FBXL13: variants seen among roughly 807,000 people sequenced by gnomAD.
FBXL13 encodes F-box and leucine rich repeat protein 13, also known as F-box and leucine-rich repeat protein 13.
In FBXL13, 67 loss-of-function variants were observed where a neutral mutation model predicts 83.6. The observed-to-expected ratio is 0.80, with a 90% CI of 0.66 to 0.98. The LOEUF is 0.98. Among genes scored for constraint, FBXL13 ranks in the 50% least tolerant of loss-of-function variants. FBXL13 has a pLI of 0.00. For synonymous variants in FBXL13, 272 were observed against 299.5 expected (o/e 0.91, Z 0.95); for missense variants, 822 against 866.5 (o/e 0.95, Z 0.64).
chr7:103,037,354 T>A (rs1216599023), intron 2 of FBXL13, among the ~76,000 whole-genome samples: 1 of 152,188 alleles, frequency 6.6e-6, no homozygotes, highest in Non-Finnish European at 1.5e-5. Flanking sequence ...TGATTAAAAC[T>A]CCAGCCCCTA....
intron 1 of FBXL13, among the ~76,000 whole-genome samples, chr7:103,061,265 C>A (rs1181734030): frequency 6.6e-6 from 1 of 151,716 alleles, no homozygotes; most frequent in Non-Finnish European, 1.5e-5. Flanking sequence ...GAGCAGCAGG[C>A]TCTATGAGGT....
intron 16 of FBXL13, among the ~76,000 whole-genome samples, chr7:102,860,043 G>T (rs1350300002): frequency 1.3e-5 from 2 of 152,186 alleles, no homozygotes; most frequent in Admixed American, 6.5e-5. Flanking sequence ...TATAGCTCCA[G>T]TATCACGTTC....
intron 6 of FBXL13, among the ~76,000 whole-genome samples, chr7:103,022,765 C>A (rs563038568): frequency 6.6e-6 from 1 of 152,224 alleles, no homozygotes; most frequent in Non-Finnish European, 1.5e-5. Context: ...TAGAACTTGG[C>A]AAAAATTTCA....
intron 1 of FBXL13, among the ~76,000 whole-genome samples, chr7:103,064,220 C>G (rs1798181506): frequency 6.6e-6 from 1 of 152,178 alleles, no homozygotes; most frequent in Non-Finnish European, 1.5e-5. Context: ...CCCCCATGAC[C>G]CTATACCTTC....
intron 16 of FBXL13, among the ~76,000 whole-genome samples, chr7:102,860,979 T>TTA (rs921842581): frequency 2.1e-4 from 31 of 147,268 alleles, no homozygotes; most frequent in African/African-American, 6.0e-4. Context: ...TTATATATAG[T>TTA]TATATATATA....
intron 10 of FBXL13, among the ~76,000 whole-genome samples, chr7:102,922,233 G>A (rs1817197825): frequency 6.6e-6 from 1 of 151,492 alleles, no homozygotes; most frequent in Non-Finnish European, 1.5e-5. Context: ...AAACATTACT[G>A]AGTGAAAGAG....
At chr7:102,855,716 G>T (rs1440850574) in intron 16 of FBXL13, among the ~76,000 whole-genome samples, 1 of 139,086 alleles carries the variant, frequency 7.2e-6, no homozygotes, top group Non-Finnish European at 1.5e-5. Context: ...TACCAGAAAT[G>T]ACACATAGAT....
intron 6 of FBXL13, among the ~76,000 whole-genome samples, chr7:102,994,224 C>A (rs1291045528): frequency 6.6e-6 from 1 of 151,902 alleles, no homozygotes; most frequent in African/African-American, 2.4e-5. Context: ...ACATTCTGCA[C>A]ATTATTTGGG....
intron 6 of FBXL13, among the ~76,000 whole-genome samples, chr7:103,024,373 A>C (rs1350630806): frequency 1.3e-5 from 2 of 151,654 alleles, no homozygotes; most frequent in Non-Finnish European, 2.9e-5. Flanking sequence ...CTAAAAATAC[A>C]AAAAATTAGC....
At chr7:103,007,750 G>A (rs1378513102) in intron 6 of FBXL13, among the ~76,000 whole-genome samples, 1 of 152,010 alleles carries the variant, frequency 6.6e-6, no homozygotes, top group Non-Finnish European at 1.5e-5. Context: ...TTCCCATAGA[G>A]TTCACATTCT....
intron 16 of FBXL13, among the ~76,000 whole-genome samples, chr7:102,861,704 G>C (rs947343249): frequency 2.6e-5 from 4 of 152,188 alleles, no homozygotes; most frequent in African/African-American, 9.7e-5. Context: ...TCTGCAGGCC[G>C]GGCGCGGTGG....
In FBXL13 at chr7:102,848,286, G is replaced by A; in HGVS notation, c.1719+6491C>T. On this transcript the variant is annotated intron_variant, in intron 17 of 19. Coordinates refer to ENST00000313221, the Ensembl canonical transcript of FBXL13. The stretch of plus-strand genomic sequence containing the variant: ...AAATACACATTCGAGGCCGGGCGCG[G>A]TGGCTCACGCCTGTAATCCCAGCAC... Among the ~76,000 whole-genome samples, 2 of 46,534 alleles carry A rather than the reference G, an allele frequency of 4.3e-5. 1 individual carries two copies. The highest frequency in any genetic ancestry group is 7.3e-5 in the Non-Finnish European group (2 of 27,468). 30.5% of individuals were successfully genotyped at this position (46,534 alleles called of 152,430 possible). A position where few individuals can be genotyped will look rare whatever the true frequency, so the allele number is the denominator to read the frequency against.
At chr7:103,056,830 T>A (rs1304035939) in intron 1 of FBXL13, among the ~76,000 whole-genome samples, 2 of 152,134 alleles carry the variant, frequency 1.3e-5, no homozygotes, top group Admixed American at 6.5e-5. Flanking sequence ...TATTTTTTTT[T>A]TTTATTTTTT....
chr7:103,028,800 A>G lies in FBXL13; in HGVS notation c.69-52T>C, dbSNP rs756769473. 5.8e-6 allele frequency: 8 copies of G among 1,381,174 alleles called. No homozygotes were observed. In the South Asian group the frequency reaches 8.4e-5, roughly 15 times the overall value. 85.6% of individuals were successfully genotyped at this position (1,381,174 alleles called of 1,614,324 possible). A position where few individuals can be genotyped will look rare whatever the true frequency, so the allele number is the denominator to read the frequency against. ...AATAATATTTTGATATTAGGGCAAT[A>G]TATCATTAAATAAATTAAGGAGAAC... On this transcript the variant is annotated intron_variant, in intron 3 of 19. Transcript: ENST00000313221.
At chr7:102,957,947 A>C (rs1456545986) in intron 8 of FBXL13, among the ~76,000 whole-genome samples, 1 of 152,192 alleles carries the variant, frequency 6.6e-6, no homozygotes, top group Non-Finnish European at 1.5e-5. Flanking sequence ...TGGAGTGTAA[A>C]TTAGTTCAAC....
At chr7:103,027,556 T>C in exon 5 of FBXL13, 3 of 1,584,918 alleles carry the variant, frequency 1.9e-6, no homozygotes, top group Non-Finnish European at 2.6e-6. Context: ...CGCAATAGAA[T>C]ATCTGAAGGA....
At chr7:102,962,189 A>T (rs930231175) in intron 8 of FBXL13, among the ~76,000 whole-genome samples, 8 of 151,594 alleles carry the variant, frequency 5.3e-5, no homozygotes, top group African/African-American at 1.9e-4. Flanking sequence ...ATGAACAGAC[A>T]CTTCTCAAAA....
chr7:103,074,632 C>T, upstream of FBXL13: 1 of 1,268,052 alleles, frequency 7.9e-7, no homozygotes, highest in Non-Finnish European at 1.0e-6. Flanking sequence ...GAAGTCTTTC[C>T]TGACTCCTCC....
chr7:102,943,328 G>T (rs1821821078), intron 8 of FBXL13, among the ~76,000 whole-genome samples: 1 of 57,944 alleles, frequency 1.7e-5, no homozygotes. Context: ...TTTTTCCCAA[G>T]TAAATACCAA....
Sources: allele counts gnomAD v4.1 joint callset (sites outside exome capture counted in the v4.1 genomes callset), GRCh38; gene constraint gnomAD v4.1.1; transcripts MANE v1.5; gene names NCBI Gene and HGNC (gene_info 2026-07-23, HGNC 2026-07-21).